The following GRM8 variants were observed in gnomAD, a reference collection of about 807,000 sequenced individuals.
GRM8 encodes metabotropic glutamate receptor 8.
Under a neutral mutation model 87.2 loss-of-function variants are expected in GRM8, and 47 were observed. That is an observed-to-expected ratio of 0.54 (90% CI 0.43 to 0.69). The LOEUF is 0.69. GRM8 is among the 30% of genes least tolerant of loss of function. GRM8 has a pLI of 0.00. For missense variants in GRM8, 1,019 were observed against 1,139.2 expected, an observed-to-expected ratio of 0.89 and a Z score of 1.52; for synonymous variants, 396 against 404.5, an observed-to-expected ratio of 0.98 and a Z score of 0.25.
intron 3 of GRM8, among the ~76,000 whole-genome samples, chr7:126,965,624 G>T (rs943550750): frequency 6.6e-6 from 1 of 151,970 alleles, no homozygotes; most frequent in African/African-American, 2.4e-5. Flanking sequence ...TAATAATTAT[G>T]AAACTATTAT....
At chr7:126,448,552 G>A (rs892239895) in intron 9 of GRM8, among the ~76,000 whole-genome samples, 5 of 151,828 alleles carry the variant, frequency 3.3e-5, no homozygotes, top group South Asian at 2.1e-4. Context: ...ATAAATTACC[G>A]CAGTCTATCC....
chr7:127,154,611 A>C (rs1792609911), intron 2 of GRM8, among the ~76,000 whole-genome samples: 1 of 152,150 alleles, frequency 6.6e-6, no homozygotes. Context: ...CAACTGGCAC[A>C]TCATAGATTC....
chr7:127,110,972 CA>C (rs1826291311), intron 2 of GRM8: 1 of 152,204 alleles, frequency 6.6e-6, no homozygotes, highest in Admixed American at 6.5e-5. Context: ...AAAGGAAGCC[CA>C]CCCTCTTCTC....
At chr7:126,449,944 A>G (rs1024737948) in intron 9 of GRM8, among the ~76,000 whole-genome samples, 3 of 151,774 alleles carry the variant, frequency 2.0e-5, no homozygotes, top group African/African-American at 7.2e-5. Context: ...CTCTGCCTCC[A>G]TGCCCCATGG....
In GRM8 at chr7:126,876,959, A is replaced by G. The variant is rs1354476119; in HGVS notation, c.1156+25583T>C. Among the ~76,000 whole-genome samples the G allele has an allele frequency of 2.0e-5, 3 of 150,454 alleles. No individual in the cohort carries two copies. The East Asian group carries it at 5.8e-4, about 29-fold the overall frequency. ...CTTTAAAAAAAAAAAAGGCTGTTCC[A>G]TGTTGCCTCTATTCAGCATACCTTA... On this transcript the variant is annotated intron_variant, in intron 6 of 10. Coordinates refer to ENST00000339582, the MANE Select transcript of GRM8 (RefSeq NM_000845.3).
chr7:127,053,800 G>GGC lies in GRM8; in HGVS notation c.727+52695_727+52696insGC, dbSNP rs71992456. Among the ~76,000 whole-genome samples the GGC allele has an allele frequency of 4.0e-3, 547 of 136,310 alleles. 23 individuals carry two copies. Among genetic ancestry groups the GGC allele is most frequent in the Non-Finnish European group, 6.0e-3 (376 of 62,466 alleles). The allele number at this position is 136,310 out of a possible 152,430, so 89.4% of individuals were successfully genotyped here. ...GAGACTCTGTCTCAAAAAAAAAAAGGGGGGGGGGAATATACATTTCATCTT... is the reference window on the plus strand; with the variant it reads ...GAGACTCTGTCTCAAAAAAAAAAAGGGCGGGGGGGGAATATACATTTCATCTT... On this transcript the variant is annotated intron_variant, in intron 3 of 10. Coordinates refer to ENST00000339582, the MANE Select transcript of GRM8 (RefSeq NM_000845.3).
intron 3 of GRM8, among the ~76,000 whole-genome samples, chr7:127,052,085 C>T (rs1321886091): frequency 6.6e-6 from 1 of 152,092 alleles, no homozygotes; most frequent in African/African-American, 2.4e-5. Flanking sequence ...TAAAATGTTT[C>T]ATGAAAATTT....
chr7:127,050,360 G>A (rs1819343796), intron 3 of GRM8, among the ~76,000 whole-genome samples: 1 of 152,196 alleles, frequency 6.6e-6, no homozygotes, highest in East Asian at 1.9e-4. Context: ...AACCATGGAG[G>A]AAATGCTACT....
At chr7:126,909,916 T>C (rs1445395910) in intron 3 of GRM8, among the ~76,000 whole-genome samples, 1 of 152,178 alleles carries the variant, frequency 6.6e-6, no homozygotes, top group African/African-American at 2.4e-5. Context: ...TCCATCATCT[T>C]ACCCATCCAC....
intron 6 of GRM8, among the ~76,000 whole-genome samples, chr7:126,874,272 T>C (rs1799356715): frequency 6.6e-6 from 1 of 152,106 alleles, no homozygotes; most frequent in Non-Finnish European, 1.5e-5. Context: ...ATAAAACTTT[T>C]TAAATAATAA....
chr7:126,770,177 G>T, intron 6 of GRM8, 112 bp from the exon 7 acceptor site: 1 of 685,414 alleles, frequency 1.5e-6, no homozygotes, highest in Non-Finnish European at 2.5e-6. Flanking sequence ...ACGACTATTT[G>T]ATTTCACTTC....
chr7:126,477,620 A>AGAG (rs1382103721), intron 9 of GRM8, among the ~76,000 whole-genome samples: 1 of 150,944 alleles, frequency 6.6e-6, no homozygotes, highest in Non-Finnish European at 1.5e-5. Context: ...AGAAAGAAAG[A>AGAG]AAGAAAGAAA....
At chr7:127,057,921 A>G (rs1387083315) in intron 3 of GRM8, among the ~76,000 whole-genome samples, 2 of 152,370 alleles carry the variant, frequency 1.3e-5, no homozygotes, top group South Asian at 2.1e-4. Flanking sequence ...AATTTCTAGA[A>G]GGAGCCATAT....
At chr7:127,017,098 T>C (rs780968280) in intron 3 of GRM8, among the ~76,000 whole-genome samples, 3 of 152,082 alleles carry the variant, frequency 2.0e-5, no homozygotes, top group Non-Finnish European at 2.9e-5. Context: ...AATGGGAACA[T>C]CTAATCTGTC....
At chr7:126,747,620 C>T (rs1815847014) in intron 7 of GRM8, among the ~76,000 whole-genome samples, 1 of 151,926 alleles carries the variant, frequency 6.6e-6, no homozygotes, top group Non-Finnish European at 1.5e-5. Context: ...ACATATTAAC[C>T]AACCTTATTC....
chr7:126,533,867 A>T lies in GRM8; in HGVS notation c.1515T>A (p.Ala505=), dbSNP rs1815254107. The T allele has an allele frequency of 1.2e-6, 2 of 1,612,832 alleles. No individual in the cohort carries two copies. The highest frequency in any genetic ancestry group is 2.7e-5 in the African/African-American group (2 of 74,870). Residue 505 remains alanine (A), a synonymous_variant, in exon 9 of 11, where the codon GCT becomes GCA. Transcript: ENST00000339582. ...LHLKVEDMQW[A]HREHTHPASV... ...ACGCCGGGTGAGTATGTTCTCTATG[A>T]GCCCACTGCATGTCTTCCACCTGTG...
chr7:126,836,104 A>C (rs1472304201), intron 6 of GRM8, among the ~76,000 whole-genome samples: 1 of 152,220 alleles, frequency 6.6e-6, no homozygotes, highest in African/African-American at 2.4e-5. Flanking sequence ...ATCTCAAAAT[A>C]TAAGATGAAT....
At chr7:126,639,578 G>A (rs983545586) in intron 7 of GRM8, among the ~76,000 whole-genome samples, 1 of 152,064 alleles carries the variant, frequency 6.6e-6, no homozygotes, top group Non-Finnish European at 1.5e-5. Context: ...GCTCATTCTG[G>A]AGTCACAGCC....
chr7:126,948,753 C>T (rs1331521896), intron 3 of GRM8, among the ~76,000 whole-genome samples: 3 of 152,174 alleles, frequency 2.0e-5, no homozygotes, highest in Non-Finnish European at 4.4e-5. Flanking sequence ...CCTGGGGAAG[C>T]GCTGTAGACA....
Sources: gnomAD v4.1 joint callset for allele counts (sites outside exome capture counted in the v4.1 genomes callset) on GRCh38, gnomAD v4.1.1 for gene constraint, MANE v1.5 for transcripts, NCBI Gene and HGNC (gene_info 2026-07-23, HGNC 2026-07-21) for gene names.